The following STPG2 variants were observed in gnomAD, a reference collection of about 807,000 sequenced individuals.
STPG2 encodes sperm-tail PG-rich repeat-containing protein 2.
In STPG2, 56 loss-of-function variants were observed where a neutral mutation model predicts 54.2. The observed-to-expected ratio is 1.03, with a 90% CI of 0.83 to 1.29. The LOEUF is 1.29. Ranked by LOEUF, STPG2 falls within the 50% of genes most tolerant of loss-of-function variation. The probability of loss-of-function intolerance (pLI) is 0.00; values close to 1 mark genes in which losing one functional copy is unlikely to be tolerated. For synonymous variants in STPG2, 200 were observed against 181.8 expected, an observed-to-expected ratio of 1.10 and a Z score of -0.81; for missense variants, 596 against 544.9, an observed-to-expected ratio of 1.09 and a Z score of -0.93.
At chr4:97,548,122 C>T (rs1290281232) in intron 4 of STPG2, among the ~76,000 whole-genome samples, 1 of 151,846 alleles carries the variant, frequency 6.6e-6, no homozygotes, top group Admixed American at 6.6e-5. Flanking sequence ...TGCACTCCAG[C>T]CTGGGCAACA....
intron 3 of STPG2, among the ~76,000 whole-genome samples, chr4:98,110,365 CT>C (rs1739312079): frequency 6.6e-6 from 1 of 152,150 alleles, no homozygotes; most frequent in South Asian, 2.1e-4. Flanking sequence ...CACATGCACA[CT>C]AAAAGGCAAA....
At chr4:98,111,144 G>A (rs1252277709) in intron 3 of STPG2, among the ~76,000 whole-genome samples, 1 of 151,602 alleles carries the variant, frequency 6.6e-6, no homozygotes, top group East Asian at 1.9e-4. Flanking sequence ...AACCAGAAAA[G>A]GACCTCATTA....
chr4:97,606,422 T>G lies in STPG2; in HGVS notation c.1321-47305A>C, dbSNP rs560003213. Among the ~76,000 whole-genome samples, 72 of 152,026 alleles carry G rather than the reference T, an allele frequency of 4.7e-4. 1 individual carries two copies. In the South Asian group the frequency reaches 0.014, roughly 30 times the overall value. On this transcript the variant is annotated intron_variant, in intron 10 of 10. Transcript: ENST00000295268. ...TAAGTGGTACTCTCTATCAGTGAGC[T>G]GCATTGTACCAAAAATACAGAAAGT...
chr4:98,026,214 C>A (rs1736415361), intron 5 of STPG2: 1 of 1,156,426 alleles, frequency 8.6e-7, no homozygotes, highest in Admixed American at 1.8e-5. Flanking sequence ...GATCGGGTAG[C>A]TCAAAAGAAA....
At position 97,898,365 on chromosome 4, in the gene STPG2, G is replaced by C. The variant is rs114415224; in HGVS notation, c.1044+45532C>G. Among the ~76,000 whole-genome samples, 1,352 of 140,810 alleles carry C rather than the reference G, an allele frequency of 9.6e-3. 6 individuals carry two copies. The highest frequency in any genetic ancestry group is 0.015 in the Non-Finnish European group (918 of 62,986). The allele number at this position is 140,810 out of a possible 152,430, so 92.4% of individuals were successfully genotyped here. A position where few individuals can be genotyped will look rare whatever the true frequency, so the allele number is the denominator to read the frequency against. ...AAAAAATCTTAATTACCAATAAGTTGTCCAATTACAGAATTGTTGGAAATG... is the reference window on the plus strand; with the variant it reads ...AAAAAATCTTAATTACCAATAAGTTCTCCAATTACAGAATTGTTGGAAATG... On this transcript the variant is annotated intron_variant, in intron 8 of 10. Coordinates refer to ENST00000295268, the MANE Select transcript of STPG2 (RefSeq NM_174952.3).
chr4:98,009,945 G>A (rs1429745474), intron 5 of STPG2, among the ~76,000 whole-genome samples: 1 of 151,908 alleles, frequency 6.6e-6, no homozygotes, highest in Non-Finnish European at 1.5e-5. Context: ...TGTGGTCTCA[G>A]TTGTTATGTC....
chr4:97,805,322 C>T (rs111778887), intron 9 of STPG2, among the ~76,000 whole-genome samples: 1,721 of 152,262 alleles, frequency 0.011, 20 homozygotes, highest in African/African-American at 0.023. Flanking sequence ...AATTCTCATG[C>T]CTCAGCCTCT....
chr4:97,819,030 T>C lies in STPG2; in HGVS notation c.1204+21743A>G, dbSNP rs568738005. ...CCAAAGAAACAAAAATAATTTGAGG[T>C]TGAAAATTAATAAAGTTAGTTCATG... is the stretch of plus-strand genomic sequence containing the variant. On this transcript the variant is annotated intron_variant, in intron 9 of 10. Coordinates refer to ENST00000295268, the MANE Select transcript of STPG2 (RefSeq NM_174952.3). Among the ~76,000 whole-genome samples the C allele has an allele frequency of 4.0e-5, 6 of 149,518 alleles. No individual in the cohort carries two copies. The East Asian group carries it at 1.2e-3, about 29-fold the overall frequency.
intron 7 of STPG2, among the ~76,000 whole-genome samples, chr4:97,966,236 G>A (rs184514681): frequency 6.6e-6 from 1 of 152,274 alleles, no homozygotes; most frequent in Non-Finnish European, 1.5e-5. Context: ...CATGATGCAT[G>A]CACAAGCTTC....
At chr4:97,790,183 C>T (rs1309067255) in intron 9 of STPG2, among the ~76,000 whole-genome samples, 1 of 148,066 alleles carries the variant, frequency 6.8e-6, no homozygotes, top group East Asian at 2.0e-4. Flanking sequence ...GGAACAACGG[C>T]ACATCTGGAG....
chr4:97,823,928 A>G (rs1429442691), intron 9 of STPG2, among the ~76,000 whole-genome samples: 1 of 152,160 alleles, frequency 6.6e-6, no homozygotes, highest in Non-Finnish European at 1.5e-5. Flanking sequence ...GGGAGGTGAG[A>G]GTCCTTCCTA....
At chr4:97,590,718 G>A (rs1279491084) in intron 10 of STPG2, among the ~76,000 whole-genome samples, 1 of 148,984 alleles carries the variant, frequency 6.7e-6, no homozygotes, top group East Asian at 2.0e-4. Context: ...CCTGACTCAA[G>A]TATTAACAAA....
At chr4:97,943,334 A>G (rs766061300) in intron 8 of STPG2, among the ~76,000 whole-genome samples, 1 of 152,172 alleles carries the variant, frequency 6.6e-6, no homozygotes, top group Non-Finnish European at 1.5e-5. Context: ...TTTTAACTCT[A>G]AATTTTACTT....
At chr4:98,000,042 A>G (rs1164866970) in intron 5 of STPG2, among the ~76,000 whole-genome samples, 1 of 152,168 alleles carries the variant, frequency 6.6e-6, no homozygotes, top group Admixed American at 6.6e-5. Context: ...TAATATCACT[A>G]ATCTCTTTAT....
At chr4:97,736,741 G>A (rs1463675576) in intron 9 of STPG2, among the ~76,000 whole-genome samples, 1 of 152,220 alleles carries the variant, frequency 6.6e-6, no homozygotes, top group Non-Finnish European at 1.5e-5. Context: ...CACAGCTCAA[G>A]GAGGCCTGCC....
chr4:97,942,198 T>C (rs1216465270), intron 8 of STPG2, among the ~76,000 whole-genome samples: 2 of 151,526 alleles, frequency 1.3e-5, no homozygotes, highest in African/African-American at 2.4e-5. Flanking sequence ...TGCCTTCCTA[T>C]GGATGCTTTC....
At chr4:98,029,992 T>G (rs1460609606) in intron 5 of STPG2, among the ~76,000 whole-genome samples, 1 of 152,146 alleles carries the variant, frequency 6.6e-6, no homozygotes, top group East Asian at 1.9e-4. Context: ...CAACTTGTCT[T>G]TCACCTTGGA....
intron 10 of STPG2, among the ~76,000 whole-genome samples, chr4:97,630,445 ATAAAG>A (rs1721237894): frequency 6.6e-6 from 1 of 151,922 alleles, no homozygotes; most frequent in Non-Finnish European, 1.5e-5. Flanking sequence ...ATAAATTACT[ATAAAG>A]TATTCTGAAA....
At chr4:97,896,282 C>T (rs1217280546) in intron 8 of STPG2, among the ~76,000 whole-genome samples, 2 of 151,658 alleles carry the variant, frequency 1.3e-5, no homozygotes, top group Non-Finnish European at 3.0e-5. Context: ...AATGAAGAAA[C>T]ATAGAATTAA....
Sources: allele counts gnomAD v4.1 joint callset (sites outside exome capture counted in the v4.1 genomes callset), GRCh38; gene constraint gnomAD v4.1.1; transcripts MANE v1.5; gene names NCBI Gene and HGNC (gene_info 2026-07-23, HGNC 2026-07-21).